Variants in NRAP observed in about 807,000 individuals in gnomAD.
The protein encoded by NRAP is nebulin-related-anchoring protein.
Under a neutral mutation model 225.9 loss-of-function variants are expected in NRAP, and 189 were observed. The ratio of observed to expected loss-of-function variants is 0.84; its 90% CI spans 0.74 to 0.94. The LOEUF (loss-of-function observed/expected upper bound fraction) is 0.94, where lower values mean the gene tolerates loss of function less well. NRAP is among the 40% of genes least tolerant of loss of function. The probability of loss-of-function intolerance (pLI) is 0.00; values close to 1 mark genes in which losing one functional copy is unlikely to be tolerated. For missense variants in NRAP, 2,176 were observed against 2,168.7 expected (o/e 1.00, Z -0.07); for synonymous variants, 769 against 790.7 (o/e 0.97, Z 0.46).
chr10:113,663,509 A>G (rs1263487712), intron 1 of NRAP, 63 bp from the exon 2 acceptor site: 7 of 1,047,830 alleles, frequency 6.7e-6, no homozygotes, highest in Non-Finnish European at 1.0e-5. Context: ...AGGTTCTTAT[A>G]TATTTTAGGG....
chr10:113,594,384 T>A (rs573328531), intron 38 of NRAP, among the ~76,000 whole-genome samples: 2 of 152,246 alleles, frequency 1.3e-5, no homozygotes, highest in South Asian at 2.1e-4. Flanking sequence ...CAGACCGGCA[T>A]CCCTTGTGAG....
In NRAP at chr10:113,615,822, G is replaced by A; in HGVS notation, c.2974-6C>T. 1.3e-6 allele frequency: 2 copies of A among 1,511,898 alleles called. No individual in the cohort carries two copies. The highest frequency in any genetic ancestry group is 9.2e-7 in the Non-Finnish European group (1 of 1,087,240). 93.7% of individuals were successfully genotyped at this position (1,511,898 alleles called of 1,614,324 possible). On this transcript the variant is annotated splice_region_variant and splice_polypyrimidine_tract_variant and intron_variant, in intron 26 of 41. Transcript: ENST00000359988. ...CCTTGTTCCCTGTATAATCTCTGTG[G>A]ATGGAAGGAGGTTTTGCATGAAACC...
At chr10:113,611,675 C>T (rs1278931689) in intron 30 of NRAP, among the ~76,000 whole-genome samples, 1 of 152,306 alleles carries the variant, frequency 6.6e-6, no homozygotes, top group African/African-American at 2.4e-5. Context: ...CCCTGAAGTG[C>T]GTCAGTCCTG....
At chr10:113,651,951 C>G in intron 6 of NRAP, 44 bp from the exon 7 acceptor site, 3 of 1,230,128 alleles carry the variant, frequency 2.4e-6, no homozygotes, top group Non-Finnish European at 3.6e-6. Context: ...CACCTCACAG[C>G]CTCCTCAGTG....
At chr10:113,603,387 T>C (rs1056659716) in intron 35 of NRAP, among the ~76,000 whole-genome samples, 4 of 152,018 alleles carry the variant, frequency 2.6e-5, no homozygotes, top group Non-Finnish European at 5.9e-5. Flanking sequence ...CCTCAGGGTC[T>C]ATGCCTGTGC....
chr10:113,633,040 C>G, intron 16 of NRAP, 44 bp downstream of exon 16: 1 of 984,710 alleles, frequency 1.0e-6, no homozygotes, highest in Non-Finnish European at 1.6e-6. Flanking sequence ...GTTTTCACAT[C>G]GCTCTATAAC....
rs530549956 is a variant in NRAP at position 113,622,867 on chromosome 10, G to A, written c.2457+662C>T. Reference sequence around the variant, plus strand: ...CAAGATAAAGAGCTTATGTCAGAATGTAAACCAACCACATCACCAAGCCAG... The same window carrying A: ...CAAGATAAAGAGCTTATGTCAGAATATAAACCAACCACATCACCAAGCCAG... On this transcript the variant is annotated intron_variant, in intron 23 of 41. Transcript: ENST00000359988. Among the ~76,000 whole-genome samples, 88 of 152,336 alleles carry A rather than the reference G, an allele frequency of 5.8e-4. 1 individual carries two copies. The highest frequency in any genetic ancestry group is 2.1e-4 in the South Asian group (1 of 4,824).
chr10:113,624,609 A>T (rs1324277285), intron 22 of NRAP, among the ~76,000 whole-genome samples: 1 of 152,174 alleles, frequency 6.6e-6, no homozygotes, highest in Non-Finnish European at 1.5e-5. Context: ...TCAGCAGCTC[A>T]AGTCCTCCAC....
At position 113,622,039 on chromosome 10, in the gene NRAP, T is replaced by C; in HGVS notation, c.2599A>G (p.Thr867Ala). Residue 867 changes from threonine to alanine, a missense_variant, in exon 24 of 42, where the codon ACC (threonine) becomes GCC (alanine). Physicochemically the swap from Thr to Ala is moderately conservative, Grantham distance 58. This residue lies in a region of NRAP where 1,708 missense variants were observed against 1,695.5 expected (regional missense o/e 1.01). Coordinates refer to ENST00000359988, the MANE Select transcript of NRAP (RefSeq NM_198060.4). Reference protein sequence around the residue: ...ELEYKKGFEDTKSQCHVSLDM... With the variant: ...ELEYKKGFEDAKSQCHVSLDM... Reference sequence around the variant, plus strand: ...AGGGAGACGTGGCATTGGGATTTGGTGTCCTCGAATCCCTTCTTGTACTCC... The same window carrying C: ...AGGGAGACGTGGCATTGGGATTTGGCGTCCTCGAATCCCTTCTTGTACTCC... The C allele has an allele frequency of 6.2e-7, 1 of 1,614,240 alleles. No homozygotes were observed. The highest frequency in any genetic ancestry group is 1.7e-5 in the Admixed American group (1 of 60,034).
Position 113,647,822 on chromosome 10 carries a change from A to C in NRAP, c.889-795T>G, listed in dbSNP as rs115110310. Among the ~76,000 whole-genome samples, 821 of 152,296 alleles carry C rather than the reference A, an allele frequency of 5.4e-3. 11 individuals are homozygous for C. The highest frequency in any genetic ancestry group is 0.018 in the African/African-American group (753 of 41,556). Reference sequence around the variant, plus strand: ...CATAAGATTATCTGAAATGGGACTAAATGTATATTTCAGACTAAGGATTAT... The same window carrying C: ...CATAAGATTATCTGAAATGGGACTACATGTATATTTCAGACTAAGGATTAT... On this transcript the variant is annotated intron_variant, in intron 9 of 41. Transcript: ENST00000359988.
chr10:113,652,533 A>G (rs1327067863), intron 6 of NRAP, among the ~76,000 whole-genome samples: 1 of 152,000 alleles, frequency 6.6e-6, no homozygotes, highest in African/African-American at 2.4e-5. Context: ...TAGTCCAGCT[A>G]CTCGGGAGGC....
At position 113,622,128 on chromosome 10, in the gene NRAP, T is replaced by G. The variant is rs1316542256; in HGVS notation, c.2510A>C (p.Lys837Thr). Residue 837 changes from lysine (K) to threonine (T), a missense_variant, in exon 24 of 42, where the codon AAA becomes ACA. By Grantham distance (78) the Lys-to-Thr change is moderately conservative. Transcript: ENST00000359988. ...CATTTGCGAATCTCCCTGTACATCT[T>G]TTGCCCCAATGAGCTTCCCTCTGGA... The part of the protein sequence containing the change: ...ERSRGKLIGA[K>T]DVQGDSQMSH... 6.2e-7 allele frequency: 1 copy of G among 1,614,104 alleles called. No homozygotes were observed. Among genetic ancestry groups the G allele is most frequent in the Non-Finnish European group, 8.5e-7 (1 of 1,179,946 alleles).
At chr10:113,648,021 C>T (rs1030182508) in intron 9 of NRAP, among the ~76,000 whole-genome samples, 4 of 152,188 alleles carry the variant, frequency 2.6e-5, no homozygotes, top group Non-Finnish European at 4.4e-5. Context: ...TCCCTGAGTC[C>T]TCCTTCACCC....
intron 3 of NRAP, among the ~76,000 whole-genome samples, chr10:113,658,522 C>T (rs549603657): frequency 6.6e-5 from 10 of 151,950 alleles, no homozygotes; most frequent in Non-Finnish European, 1.5e-4. Context: ...AAAGAAAAAA[C>T]ATCAGAAGGT....
intron 20 of NRAP, among the ~76,000 whole-genome samples, chr10:113,628,066 T>C (rs1848380721): frequency 6.6e-6 from 1 of 152,244 alleles, no homozygotes; most frequent in South Asian, 2.1e-4. Flanking sequence ...AAACGAAATG[T>C]CCTTCAAACG....
Position 113,623,601 on chromosome 10 carries a change from T to G in NRAP, c.2385A>C (p.Ala795=), listed in dbSNP as rs1372546218. 1 of 1,614,068 alleles carries G rather than the reference T, an allele frequency of 6.2e-7. No homozygotes were observed. Among genetic ancestry groups the G allele is most frequent in the East Asian group, 2.2e-5 (1 of 44,880 alleles). Residue 795 remains alanine (A), a synonymous_variant, in exon 23 of 42, where the codon GCA becomes GCC. Transcript: ENST00000359988. The part of the protein sequence containing the change: ...LYKSSWENQK[A]KGFELRLDSL... ...AATCAAGACGCAGCTCAAACCCTTT[T>G]GCTTTCTGGTTTTCCCAGCTGCTCT...
chr10:113,660,694 T>C (rs1850621391), intron 3 of NRAP, among the ~76,000 whole-genome samples: 1 of 152,228 alleles, frequency 6.6e-6, no homozygotes, highest in South Asian at 2.1e-4. Flanking sequence ...CAAACAGCAT[T>C]CTGAGGTAAA....
intron 14 of NRAP, among the ~76,000 whole-genome samples, chr10:113,635,975 G>C (rs568791563): frequency 7.2e-5 from 11 of 152,294 alleles, no homozygotes; most frequent in African/African-American, 2.6e-4. Flanking sequence ...AATTGACCCA[G>C]TGCTTCTGGA....
chr10:113,608,653 C>A, intron 31 of NRAP, 141 bp from the exon 32 acceptor site: 2 of 629,262 alleles, frequency 3.2e-6, no homozygotes, highest in East Asian at 2.6e-5. Context: ...AGATTGTCAC[C>A]TGCCTTTGTG....
Sources: gnomAD v4.1 joint callset for allele counts (sites outside exome capture counted in the v4.1 genomes callset) on GRCh38, gnomAD v4.1.1 for gene constraint, gnomAD v4.1.1 regional missense constraint, MANE v1.5 for transcripts, NCBI Gene and HGNC (gene_info 2026-07-23, HGNC 2026-07-21) for gene names.